SGCD: variants seen among roughly 807,000 people sequenced by gnomAD.
The protein encoded by SGCD is sarcoglycan delta, also known as delta-sarcoglycan.
Under a neutral mutation model 36.6 loss-of-function variants are expected in SGCD, and 18 were observed. The ratio of observed to expected loss-of-function variants is 0.49; its 90% CI spans 0.34 to 0.73. SGCD has a LOEUF of 0.73. Ranked by LOEUF, SGCD falls within the 30% of genes least tolerant of loss-of-function variation. SGCD has a pLI of 0.01. For synonymous variants in SGCD, 133 were observed against 130.6 expected, an observed-to-expected ratio of 1.02 and a Z score of -0.12; for missense variants, 387 against 346.7, an observed-to-expected ratio of 1.12 and a Z score of -0.92.
chr5:155,738,713 T>A, the SGCD span, among the ~76,000 whole-genome samples: 1 of 128,818 alleles, frequency 7.8e-6, no homozygotes, highest in African/African-American at 4.0e-5. Flanking sequence ...AGTGTGTGAG[T>A]GTGAGAGAGT....
At chr5:155,919,578 C>T (rs992442088) in intron 1 of SGCD, among the ~76,000 whole-genome samples, 4 of 152,080 alleles carry the variant, frequency 2.6e-5, no homozygotes, top group African/African-American at 4.8e-5. Context: ...AAACAAAATG[C>T]GGCTATATTT....
Position 156,276,023 on chromosome 5 carries a change from G to A in SGCD, c.-43-53511G>A, listed in dbSNP as rs190699074. Among the ~76,000 whole-genome samples, 14 of 152,256 alleles carry A rather than the reference G, an allele frequency of 9.2e-5. No individual in the cohort carries two copies. The East Asian group carries it at 2.7e-3, about 29-fold the overall frequency. On this transcript the variant is annotated intron_variant, in intron 3 of 9. Coordinates refer to the SGCD transcript ENST00000517913. ...CTATTCTTGAAGGTGGTGACACTGAGCCTCAGAGGAATAAGTGACCTCCCC... is the reference window on the plus strand; with the variant it reads ...CTATTCTTGAAGGTGGTGACACTGAACCTCAGAGGAATAAGTGACCTCCCC...
At chr5:156,027,306 G>A (rs73302955) in intron 1 of SGCD, among the ~76,000 whole-genome samples, 1,894 of 152,184 alleles carry the variant, frequency 0.012, 43 homozygotes, top group African/African-American at 0.042. Flanking sequence ...AGGGAGATAC[G>A]TTACGACATC....
At chr5:156,462,892 T>C (rs1024617630) in intron 3 of SGCD, among the ~76,000 whole-genome samples, 8 of 152,194 alleles carry the variant, frequency 5.3e-5, no homozygotes, top group Admixed American at 2.6e-4. Flanking sequence ...TATAATTTTA[T>C]GGGCTATGAA....
chr5:156,078,695 T>G (rs1215344760), intron 1 of SGCD, among the ~76,000 whole-genome samples: 1 of 149,480 alleles, frequency 6.7e-6, no homozygotes, highest in Non-Finnish European at 1.5e-5. Context: ...TGTGTGTGTA[T>G]GTATATATAT....
intron 1 of SGCD, among the ~76,000 whole-genome samples, chr5:156,038,258 C>A (rs892601708): frequency 4.6e-5 from 7 of 152,002 alleles, no homozygotes; most frequent in Non-Finnish European, 1.0e-4. Context: ...AATACCTCAC[C>A]AGTACTTTTC....
chr5:156,582,470 C>G (rs1760310213), intron 4 of SGCD, among the ~76,000 whole-genome samples: 1 of 152,170 alleles, frequency 6.6e-6, no homozygotes, highest in Non-Finnish European at 1.5e-5. Flanking sequence ...TTTACACACC[C>G]AAAAGCAATC....
intron 1 of SGCD, among the ~76,000 whole-genome samples, chr5:156,070,820 G>T (rs1750537091): frequency 6.6e-6 from 1 of 152,118 alleles, no homozygotes; most frequent in Admixed American, 6.5e-5. Flanking sequence ...CCTGTTATTG[G>T]TCTATTCAGA....
the SGCD span, among the ~76,000 whole-genome samples, chr5:155,738,404 G>T: frequency 6.6e-6 from 1 of 152,120 alleles, no homozygotes; most frequent in Non-Finnish European, 1.5e-5. Context: ...TGGACAAAAA[G>T]CATGTTTTTC....
At chr5:156,423,429 A>ATAT (rs1561686121) in intron 3 of SGCD, among the ~76,000 whole-genome samples, 1,255 of 92,324 alleles carry the variant, frequency 0.014, 29 homozygotes, top group Non-Finnish European at 0.022. Flanking sequence ...TATTTTAATA[A>ATAT]AATATAATAT....
At chr5:156,416,618 G>A (rs969113903) in intron 3 of SGCD, among the ~76,000 whole-genome samples, 19 of 152,276 alleles carry the variant, frequency 1.2e-4, no homozygotes, top group African/African-American at 2.2e-4. Context: ...CCCACTGTAT[G>A]ACAAGTCCTG....
At chr5:155,996,826 A>G (rs1441264174) in intron 1 of SGCD, among the ~76,000 whole-genome samples, 2 of 151,898 alleles carry the variant, frequency 1.3e-5, no homozygotes, top group African/African-American at 4.8e-5. Context: ...TAAAAAATCA[A>G]AGGCTGCCAA....
intron 3 of SGCD, among the ~76,000 whole-genome samples, chr5:156,434,303 C>T (rs1024550923): frequency 2.6e-5 from 4 of 152,194 alleles, no homozygotes; most frequent in Non-Finnish European, 5.9e-5. Context: ...AACTAAGATA[C>T]ACTTTTCTGA....
chr5:156,324,997 T>C (rs10057826), upstream of SGCD, among the ~76,000 whole-genome samples: 33,396 of 152,056 alleles, frequency 0.22, 4,042 homozygotes, highest in Middle Eastern at 0.32. Flanking sequence ...GTTAATAGTC[T>C]TCTATTTATA....
intron 1 of SGCD, among the ~76,000 whole-genome samples, chr5:156,103,186 A>T (rs965549200): frequency 6.6e-6 from 1 of 152,190 alleles, no homozygotes; most frequent in Non-Finnish European, 1.5e-5. Context: ...GATTCCCATG[A>T]TATCAGAATA....
chr5:156,725,206 T>C (rs1755710864), intron 7 of SGCD, among the ~76,000 whole-genome samples: 1 of 152,106 alleles, frequency 6.6e-6, no homozygotes, highest in South Asian at 2.1e-4. Context: ...TCCAAGGAGT[T>C]GTCTAGAATG....
chr5:156,567,577 T>A (rs1396455880), intron 4 of SGCD, among the ~76,000 whole-genome samples: 1 of 152,140 alleles, frequency 6.6e-6, no homozygotes, highest in Non-Finnish European at 1.5e-5. Context: ...AAGGTCAGCC[T>A]TCGTCCTGTT....
chr5:156,717,491 A>G (rs1396484840), intron 7 of SGCD, among the ~76,000 whole-genome samples: 4 of 152,194 alleles, frequency 2.6e-5, no homozygotes, highest in African/African-American at 4.8e-5. Context: ...AGTTAACAAT[A>G]TCTTTATTTT....
chr5:156,282,216 A>T (rs1766471859), intron 3 of SGCD, among the ~76,000 whole-genome samples: 1 of 152,174 alleles, frequency 6.6e-6, no homozygotes, highest in African/African-American at 2.4e-5. Flanking sequence ...GGAAATGCGA[A>T]TTCTCCTACT....
Sources: allele counts gnomAD v4.1 joint callset (sites outside exome capture counted in the v4.1 genomes callset), GRCh38; gene constraint gnomAD v4.1.1; transcripts MANE v1.5; gene names NCBI Gene and HGNC (gene_info 2026-07-23, HGNC 2026-07-21).